The following PRKCE variants were observed in gnomAD, a reference collection of about 807,000 sequenced individuals.
The protein encoded by PRKCE is protein kinase C epsilon.
In PRKCE, 16 loss-of-function variants were observed where a neutral mutation model predicts 85.4. The ratio of observed to expected loss-of-function variants is 0.19; its 90% CI spans 0.13 to 0.28. PRKCE has a LOEUF of 0.28. Among genes scored for constraint, PRKCE ranks in the 10% least tolerant of loss-of-function variants. The pLI is 1.00. For synonymous variants in PRKCE, 388 were observed against 371.5 expected (o/e 1.04, Z -0.51); for missense variants, 573 against 975.2 (o/e 0.59, Z 5.49).
At chr2:46,056,673 T>A (rs1038118441) in intron 10 of PRKCE, among the ~76,000 whole-genome samples, 1 of 152,212 alleles carries the variant, frequency 6.6e-6, no homozygotes, top group Non-Finnish European at 1.5e-5. Context: ...TAAAAATATG[T>A]GTTGGATACT....
chr2:45,744,662 C>T (rs113963421), intron 1 of PRKCE, among the ~76,000 whole-genome samples: 3,445 of 151,388 alleles, frequency 0.023, 118 homozygotes, highest in African/African-American at 0.078. Context: ...GGCTGGAGTG[C>T]AGTGGTGCCG....
chr2:45,966,488 T>C (rs1332156020), intron 2 of PRKCE, among the ~76,000 whole-genome samples: 1 of 152,174 alleles, frequency 6.6e-6, no homozygotes, highest in Admixed American at 6.5e-5. Context: ...AGCTTTTGAA[T>C]AGGCAGGGTT....
At chr2:45,672,239 T>C (rs1676205054) in intron 1 of PRKCE, among the ~76,000 whole-genome samples, 1 of 151,512 alleles carries the variant, frequency 6.6e-6, no homozygotes, top group South Asian at 2.1e-4. Flanking sequence ...TCCATCCATC[T>C]GTCTATGCAT....
rs1161957063 is a variant in PRKCE, at chr2:46,168,828, C to T, written c.2067+9076C>T. Among the ~76,000 whole-genome samples, 3 of 152,096 alleles carry T rather than the reference C, an allele frequency of 2.0e-5. No individual in the cohort carries two copies. The East Asian group carries it at 5.8e-4, about 29-fold the overall frequency. On this transcript the variant is annotated intron_variant, in intron 14 of 14. Transcript: ENST00000306156. The stretch of plus-strand genomic sequence containing the variant: ...CCAGCGTTTCTGTGGGTCCTGAGAG[C>T]CTATGTCAGCCCCCTTCTCATCTTG...
chr2:46,000,138 T>G (rs1167990192), intron 6 of PRKCE, among the ~76,000 whole-genome samples: 1 of 152,026 alleles, frequency 6.6e-6, no homozygotes, highest in South Asian at 2.1e-4. Context: ...ACTGGTTTTT[T>G]GGGGTTTTTT....
At position 46,022,329 on chromosome 2, in the gene PRKCE, C is replaced by T. The variant is rs1390580120; in HGVS notation, c.1437+11812C>T. On this transcript the variant is annotated intron_variant, in intron 10 of 14. Transcript: ENST00000306156. ...CCCTCCAGAATCTGATTCTAAAGAC[C>T]TGTGACAATGCAATTCATTGGGAAA... Among the ~76,000 whole-genome samples the T allele has an allele frequency of 3.3e-5, 5 of 152,198 alleles. No individual in the cohort carries two copies. In the East Asian group the frequency reaches 9.6e-4, roughly 29 times the overall value.
intron 2 of PRKCE, among the ~76,000 whole-genome samples, chr2:45,962,497 T>G (rs1223407491): frequency 6.6e-6 from 1 of 152,228 alleles, no homozygotes; most frequent in Non-Finnish European, 1.5e-5. Flanking sequence ...CCTTCCTTTT[T>G]TGTTCCCCTC....
At chr2:46,054,621 C>T (rs887472069) in intron 10 of PRKCE, among the ~76,000 whole-genome samples, 3 of 152,180 alleles carry the variant, frequency 2.0e-5, no homozygotes, top group Admixed American at 1.3e-4. Context: ...AGGTGTCTCT[C>T]AGAAATCCTC....
intron 10 of PRKCE, among the ~76,000 whole-genome samples, chr2:46,061,552 T>C (rs1304541750): frequency 1.3e-5 from 2 of 152,236 alleles, no homozygotes; most frequent in Non-Finnish European, 2.9e-5. Flanking sequence ...CTGGCTATTT[T>C]AGTAATAGAA....
At chr2:45,992,245 A>G (rs1703860404) in intron 6 of PRKCE, among the ~76,000 whole-genome samples, 1 of 152,152 alleles carries the variant, frequency 6.6e-6, no homozygotes, top group South Asian at 2.1e-4. Flanking sequence ...GGACCATGAG[A>G]ATGTCCCCTG....
At chr2:45,976,857 C>CTG (rs56287103) in intron 3 of PRKCE, among the ~76,000 whole-genome samples, 12,340 of 134,940 alleles carry the variant, frequency 0.091, 628 homozygotes, top group Non-Finnish European at 0.12. Flanking sequence ...GATATTGTGA[C>CTG]TGTGTGTGTG....
chr2:46,166,634 G>A (rs1678364441), intron 14 of PRKCE, among the ~76,000 whole-genome samples: 1 of 152,204 alleles, frequency 6.6e-6, no homozygotes, highest in Non-Finnish European at 1.5e-5. Context: ...TGGACCTCTG[G>A]CTTCCTTGAG....
intron 11 of PRKCE, among the ~76,000 whole-genome samples, chr2:46,114,487 A>T (rs1343077000): frequency 1.6e-5 from 2 of 125,772 alleles, no homozygotes; most frequent in Non-Finnish European, 1.6e-5. Context: ...GCACAATGTC[A>T]GCTCACTGCA....
At chr2:45,938,325 C>A (rs77674078) in intron 2 of PRKCE, among the ~76,000 whole-genome samples, 9,023 of 152,156 alleles carry the variant, frequency 0.059, 925 homozygotes, top group African/African-American at 0.2. Context: ...TTTTGGAGAA[C>A]TAGGGTGACT....
intron 2 of PRKCE, among the ~76,000 whole-genome samples, chr2:45,973,222 A>C (rs1702221031): frequency 1.3e-5 from 2 of 152,184 alleles, no homozygotes; most frequent in South Asian, 4.1e-4. Context: ...TGAGGGACCT[A>C]GTAGCTCCCC....
At chr2:45,919,081 A>G (rs758316710) in intron 2 of PRKCE, among the ~76,000 whole-genome samples, 1 of 152,212 alleles carries the variant, frequency 6.6e-6, no homozygotes, top group East Asian at 1.9e-4. Context: ...CTGCATGTAA[A>G]TCAAGGTTGT....
At chr2:46,034,917 C>T (rs1020809133) in intron 10 of PRKCE, among the ~76,000 whole-genome samples, 14 of 152,384 alleles carry the variant, frequency 9.2e-5, no homozygotes, top group East Asian at 5.8e-4. Flanking sequence ...TGTTGGCATG[C>T]ACTGCCTACA....
chr2:45,910,168 C>A (rs530122129), intron 2 of PRKCE, among the ~76,000 whole-genome samples: 2 of 152,088 alleles, frequency 1.3e-5, no homozygotes, highest in Admixed American at 1.3e-4. Flanking sequence ...GTTAATGATT[C>A]TAAAAATGCC....
At chr2:45,858,444 C>G (rs1409007630) in intron 2 of PRKCE, among the ~76,000 whole-genome samples, 4 of 151,926 alleles carry the variant, frequency 2.6e-5, no homozygotes, top group Admixed American at 6.6e-5. Flanking sequence ...GTCTTTTGGA[C>G]TTAATTTAAA....
Sources: allele counts gnomAD v4.1 joint callset (sites outside exome capture counted in the v4.1 genomes callset), GRCh38; gene constraint gnomAD v4.1.1; transcripts MANE v1.5; gene names NCBI Gene and HGNC (gene_info 2026-07-23, HGNC 2026-07-21).